PPARGC1B: variants seen among roughly 807,000 people sequenced by gnomAD.
The protein encoded by PPARGC1B is PPARG coactivator 1 beta, also known as peroxisome proliferator-activated receptor gamma coactivator 1-beta.
Under a neutral mutation model 101.6 loss-of-function variants are expected in PPARGC1B, and 34 were observed. The ratio of observed to expected loss-of-function variants is 0.33; its 90% confidence interval spans 0.25 to 0.45. PPARGC1B has a LOEUF of 0.45. Among genes scored for constraint, PPARGC1B ranks in the 20% least tolerant of loss-of-function variants. PPARGC1B has a pLI of 1.00. For synonymous variants in PPARGC1B, 548 were observed against 539.3 expected (o/e 1.02, Z -0.22); for missense variants, 1,234 against 1,317.6 (o/e 0.94, Z 0.98).
intron 1 of PPARGC1B, among the ~76,000 whole-genome samples, chr5:149,797,016 C>G (rs1374198420): frequency 6.6e-6 from 1 of 152,212 alleles, no homozygotes; most frequent in Admixed American, 6.5e-5. Flanking sequence ...CCTCTTCCAG[C>G]CCTAAGCTTC....
intron 1 of PPARGC1B, among the ~76,000 whole-genome samples, chr5:149,801,728 C>G (rs1206913259): frequency 1.3e-5 from 2 of 152,096 alleles, no homozygotes; most frequent in Admixed American, 6.5e-5. Flanking sequence ...AGGCAGGAGG[C>G]TATGGCTGCC....
rs970475467 is a variant in PPARGC1B, at chr5:149,847,673, C to A, written c.*115C>A. 6 of 734,994 alleles carry A rather than the reference C, an allele frequency of 8.2e-6. No homozygotes were observed. The Admixed American group carries it at 1.3e-4, about 16-fold the overall frequency. The allele number at this position is 734,994 out of a possible 1,614,324, so 45.5% of individuals were successfully genotyped here. A position where few individuals can be genotyped will look rare whatever the true frequency, so the allele number is the denominator to read the frequency against. On this transcript the variant is annotated 3_prime_UTR_variant, in exon 12 of 12. Transcript: ENST00000309241. The stretch of plus-strand genomic sequence containing the variant: ...GAGAGCGAGCGAGCGTGAGAGAACA[C>A]CCGTGAGAGAGACTTGAAACTGCTG...
At chr5:149,794,201 G>A (rs1031943195) in intron 1 of PPARGC1B, among the ~76,000 whole-genome samples, 25 of 152,180 alleles carry the variant, frequency 1.6e-4, no homozygotes, top group Non-Finnish European at 8.8e-5. Context: ...TGGGAGGTGT[G>A]AATCTCTTGG....
chr5:149,780,181 C>T (rs958884407), intron 1 of PPARGC1B, among the ~76,000 whole-genome samples: 8 of 152,288 alleles, frequency 5.3e-5, no homozygotes, highest in Non-Finnish European at 1.2e-4. Flanking sequence ...ATTGGAGCAT[C>T]GAAAACCCAC....
At chr5:149,813,634 C>T (rs114193478) in intron 1 of PPARGC1B, among the ~76,000 whole-genome samples, 12 of 152,128 alleles carry the variant, frequency 7.9e-5, no homozygotes, top group East Asian at 1.9e-4. Flanking sequence ...ACTGGCCATC[C>T]GCTGCACCTT....
At chr5:149,744,628 C>G (rs559046193) in intron 1 of PPARGC1B, among the ~76,000 whole-genome samples, 34 of 152,230 alleles carry the variant, frequency 2.2e-4, no homozygotes, top group African/African-American at 7.9e-4. Flanking sequence ...TTTTGGCATT[C>G]CAAGTTATTT....
chr5:149,768,370 G>C (rs937379149), intron 1 of PPARGC1B, among the ~76,000 whole-genome samples: 1 of 152,072 alleles, frequency 6.6e-6, no homozygotes, highest in Admixed American at 6.5e-5. Flanking sequence ...CACCTCCCAG[G>C]CTCAAGCAAT....
intron 1 of PPARGC1B, among the ~76,000 whole-genome samples, chr5:149,758,412 G>A (rs546753148): frequency 9.2e-5 from 14 of 152,342 alleles, no homozygotes; most frequent in Middle Eastern, 6.8e-3. Flanking sequence ...CATTCTCTTA[G>A]AGCTTAGAGT....
intron 11 of PPARGC1B, chr5:149,846,649 A>G (rs1759571046): frequency 6.6e-6 from 1 of 152,422 alleles, no homozygotes; most frequent in East Asian, 1.9e-4. Flanking sequence ...GAAAGAAAAA[A>G]AAAAAAACAC....
intron 3 of PPARGC1B, among the ~76,000 whole-genome samples, chr5:149,829,422 T>C (rs1316991152): frequency 1.3e-5 from 2 of 152,170 alleles, no homozygotes; most frequent in African/African-American, 4.8e-5. Flanking sequence ...GCCAGGATCC[T>C]GTGGCTCCTC....
intron 1 of PPARGC1B, among the ~76,000 whole-genome samples, chr5:149,792,053 G>C (rs1757041035): frequency 6.6e-6 from 1 of 152,258 alleles, no homozygotes; most frequent in African/African-American, 2.4e-5. Context: ...AGGCTTGAAA[G>C]GGCAGGGTGT....
In PPARGC1B at chr5:149,730,997, G is replaced by C. The variant is rs1195859976; in HGVS notation, c.78+577G>C. Among the ~76,000 whole-genome samples, 1 of 152,266 alleles carries C rather than the reference G, an allele frequency of 6.6e-6. No homozygotes were observed. Among genetic ancestry groups the C allele is most frequent in the Non-Finnish European group, 1.5e-5 (1 of 68,050 alleles). Reference sequence around the variant, plus strand: ...GGGTCTGCGGGGCACGTGGACATGCGGGCGGAGACAGCGTCTTCCTGGTTT... The same window carrying C: ...GGGTCTGCGGGGCACGTGGACATGCCGGCGGAGACAGCGTCTTCCTGGTTT... On this transcript the variant is annotated intron_variant, in intron 1 of 11. Coordinates refer to ENST00000309241, the MANE Select transcript of PPARGC1B (RefSeq NM_133263.4). This position sits in a 1 kb window ranked among gnomAD's most constrained non-coding sequence, Gnocchi z 4.0.
chr5:149,743,362 G>A lies in PPARGC1B; in HGVS notation c.78+12942G>A, dbSNP rs149114017. On this transcript the variant is annotated intron_variant, in intron 1 of 11. Transcript: ENST00000309241. ...GTGGAGATGGGATTTCTCCATATTG[G>A]CCAGGCTGGTCTCGAACTCGTGACC... Among the ~76,000 whole-genome samples, 125 of 152,010 alleles carry A rather than the reference G, an allele frequency of 8.2e-4. 1 individual carries two copies. Among genetic ancestry groups the A allele is most frequent in the African/African-American group, 2.7e-3 (111 of 41,470 alleles).
chr5:149,842,271 G>T lies in PPARGC1B; in HGVS notation c.2710G>T (p.Val904Leu), dbSNP rs1478917647. ...TCTTGGGCAGGGGGAAGGCCGCGTGGTGTACATTCAAAATCTCTCCAGCGA... is the reference window on the plus strand; with the variant it reads ...TCTTGGGCAGGGGGAAGGCCGCGTGTTGTACATTCAAAATCTCTCCAGCGA... ...REKAIGEGRV[V>L]YIQNLSSDMS... The change falls in exon 10 of 12, where the codon GTG becomes TTG. Residue 904 changes from valine to leucine, a missense_variant. By Grantham distance (32) the Val-to-Leu change is conservative. Transcript: ENST00000309241. The T allele has an allele frequency of 1.2e-6, 2 of 1,613,844 alleles. No individual in the cohort carries two copies. The highest frequency in any genetic ancestry group is 3.4e-4 in the Middle Eastern group (2 of 5,806).
intron 1 of PPARGC1B, among the ~76,000 whole-genome samples, chr5:149,814,799 A>G (rs867118483): frequency 6.6e-6 from 1 of 152,208 alleles, no homozygotes; most frequent in East Asian, 1.9e-4. Flanking sequence ...GGCCAGGGTT[A>G]TTTATCTCCC....
intron 1 of PPARGC1B, among the ~76,000 whole-genome samples, chr5:149,737,861 G>A (rs1367753122): frequency 2.6e-5 from 4 of 152,176 alleles, no homozygotes; most frequent in African/African-American, 7.2e-5. Context: ...GGGCATGGTG[G>A]CGCATGCCTG....
In PPARGC1B at chr5:149,765,866, A is replaced by G. The variant is rs1414026072; in HGVS notation, c.78+35446A>G. Among the ~76,000 whole-genome samples the G allele has an allele frequency of 4.0e-5, 6 of 151,702 alleles. No homozygotes were observed. The East Asian group carries it at 9.7e-4, about 24-fold the overall frequency. The stretch of plus-strand genomic sequence containing the variant: ...ACAGAGTGAGACTCCGTCTCAAAAA[A>G]AAAAAAAAAAAAAAAATGGAGATAA... On this transcript the variant is annotated intron_variant, in intron 1 of 11. Transcript: ENST00000309241.
At chr5:149,757,851 G>A (rs1755592566) in intron 1 of PPARGC1B, among the ~76,000 whole-genome samples, 1 of 152,238 alleles carries the variant, frequency 6.6e-6, no homozygotes, top group Non-Finnish European at 1.5e-5. Flanking sequence ...CACTGTCACA[G>A]GGCTGGAGCC....
intron 1 of PPARGC1B, among the ~76,000 whole-genome samples, chr5:149,745,064 G>A (rs1755038947): frequency 6.6e-6 from 1 of 152,108 alleles, no homozygotes; most frequent in African/African-American, 2.4e-5. Flanking sequence ...ACTACACCTG[G>A]ATAATTTTTT....
Sources: gnomAD v4.1 joint callset for allele counts (sites outside exome capture counted in the v4.1 genomes callset) on GRCh38, gnomAD v4.1.1 for gene constraint, Gnocchi (gnomAD v3.1) non-coding constraint, MANE v1.5 for transcripts, NCBI Gene and HGNC (gene_info 2026-07-23, HGNC 2026-07-21) for gene names.